The following ADAMTS17 variants were observed in gnomAD, a reference collection of about 807,000 sequenced individuals.
ADAMTS17 encodes A disintegrin and metalloproteinase with thrombospondin motifs 17.
ADAMTS17 carries 113 observed loss-of-function variants against 141.5 expected under a neutral mutation model. That is an observed-to-expected ratio of 0.80 (90% CI 0.69 to 0.93). The LOEUF is 0.93. Ranked by LOEUF, ADAMTS17 falls within the 40% of genes least tolerant of loss-of-function variation. ADAMTS17 has a pLI of 0.00. For synonymous variants in ADAMTS17, 768 were observed against 630.6 expected, an observed-to-expected ratio of 1.22 and a Z score of -3.27; for missense variants, 1,659 against 1,517.9, an observed-to-expected ratio of 1.09 and a Z score of -1.54.
chr15:100,121,366 A>C (rs1476231817), intron 12 of ADAMTS17, among the ~76,000 whole-genome samples: 3 of 152,206 alleles, frequency 2.0e-5, no homozygotes, highest in Non-Finnish European at 4.4e-5. Context: ...GAGAAATTCC[A>C]AGTAGGATAC....
intron 20 of ADAMTS17, among the ~76,000 whole-genome samples, chr15:99,987,270 A>G (rs2727223): frequency 0.11 from 16,376 of 152,122 alleles, 2,722 homozygotes; most frequent in African/African-American, 0.36. Context: ...TTGCCCCTTT[A>G]AGCTCCCTCT....
At chr15:100,043,547 A>G (rs2031437732) in intron 18 of ADAMTS17, among the ~76,000 whole-genome samples, 1 of 152,240 alleles carries the variant, frequency 6.6e-6, no homozygotes, top group Non-Finnish European at 1.5e-5. Context: ...GGGAGTAAGC[A>G]ATAATCCAAA....
intron 7 of ADAMTS17, among the ~76,000 whole-genome samples, chr15:100,247,138 C>T (rs879302589): frequency 5.9e-5 from 9 of 152,110 alleles, no homozygotes; most frequent in Non-Finnish European, 1.2e-4. Context: ...CCACCCACCT[C>T]GGCCTCCCAA....
intron 9 of ADAMTS17, among the ~76,000 whole-genome samples, chr15:100,154,898 A>G (rs1367116759): frequency 6.6e-6 from 1 of 152,228 alleles, no homozygotes; most frequent in Admixed American, 6.5e-5. Flanking sequence ...CTGCAGAGGA[A>G]TGAAATGGGT....
intron 15 of ADAMTS17, among the ~76,000 whole-genome samples, chr15:100,071,083 TAC>T (rs1475733195): frequency 2.7e-5 from 4 of 150,132 alleles, no homozygotes; most frequent in Non-Finnish European, 5.9e-5. Context: ...CCCACAGAAA[TAC>T]AAACTGCCAT....
chr15:100,285,492 CA>C (rs2044417347), intron 3 of ADAMTS17, among the ~76,000 whole-genome samples: 1 of 152,168 alleles, frequency 6.6e-6, no homozygotes, highest in South Asian at 2.1e-4. Context: ...ATACGTAGAT[CA>C]AAAAATATTT....
intron 3 of ADAMTS17, among the ~76,000 whole-genome samples, chr15:100,290,820 C>T (rs118100551): frequency 6.6e-6 from 1 of 152,144 alleles, no homozygotes; most frequent in Non-Finnish European, 1.5e-5. Flanking sequence ...AATTGGACCC[C>T]TTCCTCTCAC....
At chr15:100,111,873 T>G (rs6598304) in intron 13 of ADAMTS17, among the ~76,000 whole-genome samples, 104,446 of 152,230 alleles carry the variant, frequency 0.69, 36,892 homozygotes, top group African/African-American at 0.87. Context: ...TCGACTGTCT[T>G]CAGTTGGCAG....
intron 20 of ADAMTS17, among the ~76,000 whole-genome samples, chr15:99,985,797 AG>A (rs1181899867): frequency 1.3e-5 from 2 of 152,322 alleles, no homozygotes; most frequent in East Asian, 3.9e-4. Context: ...AGATACCCTG[AG>A]GGAACGTGCT....
intron 5 of ADAMTS17, among the ~76,000 whole-genome samples, 178 bp from the exon 6 acceptor site, chr15:100,261,814 C>A (rs184651219): frequency 2.6e-5 from 4 of 152,108 alleles, no homozygotes; most frequent in Admixed American, 2.0e-4. Context: ...TCCAGAGAGA[C>A]CATCAGGGGC....
intron 3 of ADAMTS17, among the ~76,000 whole-genome samples, chr15:100,307,087 C>T (rs1448951880): frequency 6.6e-6 from 1 of 152,170 alleles, no homozygotes; most frequent in Admixed American, 6.5e-5. Flanking sequence ...TCTAGGCCAC[C>T]TAAGAGGGCT....
At chr15:100,244,233 C>A (rs1383977477) in intron 7 of ADAMTS17, among the ~76,000 whole-genome samples, 2 of 151,754 alleles carry the variant, frequency 1.3e-5, no homozygotes, top group Non-Finnish European at 2.9e-5. Context: ...TCAATTACCT[C>A]CCACCAGGTC....
At chr15:100,280,060 A>G (rs1380252318) in intron 4 of ADAMTS17, among the ~76,000 whole-genome samples, 1 of 152,082 alleles carries the variant, frequency 6.6e-6, no homozygotes, top group Non-Finnish European at 1.5e-5. Context: ...CATTTCAGCC[A>G]GGCAGTGCTA....
intron 20 of ADAMTS17, among the ~76,000 whole-genome samples, chr15:99,984,691 G>A (rs1205127046): frequency 1.3e-5 from 2 of 152,216 alleles, no homozygotes; most frequent in African/African-American, 2.4e-5. Flanking sequence ...CACAAGGTGA[G>A]ATGGGGACAG....
intron 3 of ADAMTS17, among the ~76,000 whole-genome samples, chr15:100,306,836 T>C (rs1339623135): frequency 2.0e-5 from 3 of 152,110 alleles, no homozygotes; most frequent in Non-Finnish European, 4.4e-5. Flanking sequence ...CAACCCAGAC[T>C]TGGGCAACTG....
chr15:100,303,289 T>C (rs2045108579), intron 3 of ADAMTS17, among the ~76,000 whole-genome samples: 1 of 150,708 alleles, frequency 6.6e-6, no homozygotes, highest in South Asian at 2.1e-4. Context: ...TCAAGTCCTT[T>C]ATCCATTAAT....
intron 7 of ADAMTS17, among the ~76,000 whole-genome samples, chr15:100,242,604 C>G (rs1207213377): frequency 6.6e-6 from 1 of 152,198 alleles, no homozygotes; most frequent in Non-Finnish European, 1.5e-5. Context: ...ACCTCTCCTC[C>G]CCGTCCTGCA....
chr15:100,140,488 C>CATACATATATATATAT (rs1386955753), intron 10 of ADAMTS17, among the ~76,000 whole-genome samples: 32 of 124,930 alleles, frequency 2.6e-4, no homozygotes, highest in African/African-American at 8.8e-4. Context: ...CACATACATA[C>CATACATATATATATAT]ATATATATAT....
intron 15 of ADAMTS17, among the ~76,000 whole-genome samples, chr15:100,080,953 T>C (rs971396138): frequency 2.0e-5 from 3 of 152,208 alleles, no homozygotes; most frequent in Non-Finnish European, 2.9e-5. Context: ...TGGGTTCAAG[T>C]TGACTTGGGG....
Sources: gnomAD v4.1 joint callset for allele counts (sites outside exome capture counted in the v4.1 genomes callset) on GRCh38, gnomAD v4.1.1 for gene constraint, MANE v1.5 for transcripts, NCBI Gene and HGNC (gene_info 2026-07-23, HGNC 2026-07-21) for gene names.